KIAA1549L: variants seen among roughly 807,000 people sequenced by gnomAD.
KIAA1549L encodes KIAA1549 like.
KIAA1549L carries 88 observed loss-of-function variants against 160.7 expected under a neutral mutation model. The observed-to-expected ratio is 0.55, with a 90% confidence interval of 0.46 to 0.65. The LOEUF (loss-of-function observed/expected upper bound fraction) is 0.65. Among genes scored for constraint, KIAA1549L ranks in the 30% least tolerant of loss-of-function variants. The pLI, the probability that KIAA1549L is intolerant of heterozygous loss-of-function variation, is 0.00. For missense variants in KIAA1549L, 2,258 were observed against 2,437.5 expected, an observed-to-expected ratio of 0.93 and a Z score of 1.55; for synonymous variants, 950 against 976.7, an observed-to-expected ratio of 0.97 and a Z score of 0.51.
chr11:33,618,868 G>A (rs1166967838), intron 16 of KIAA1549L, among the ~76,000 whole-genome samples: 2 of 152,178 alleles, frequency 1.3e-5, no homozygotes, highest in Non-Finnish European at 2.9e-5. Flanking sequence ...AAAGGATCAC[G>A]ATTTCCGAAT....
intron 16 of KIAA1549L, among the ~76,000 whole-genome samples, chr11:33,635,439 G>A (rs75358493): frequency 2.0e-5 from 3 of 152,154 alleles, no homozygotes; most frequent in Non-Finnish European, 2.9e-5. Flanking sequence ...ATGGAGCTGC[G>A]ATTGACACTG....
At chr11:33,652,379 C>T (rs573710679) in intron 17 of KIAA1549L, among the ~76,000 whole-genome samples, 12 of 152,172 alleles carry the variant, frequency 7.9e-5, no homozygotes, top group Non-Finnish European at 1.6e-4. Context: ...TTTTGTGTGG[C>T]TCGCTGTCCT....
chr11:33,574,604 C>T, intron 9 of KIAA1549L, 98 bp from the exon 10 acceptor site: 1 of 1,176,250 alleles, frequency 8.5e-7, no homozygotes, highest in Non-Finnish European at 1.2e-6. Context: ...CCACAGAAGT[C>T]TTCAGCAGTC....
At position 33,577,589 on chromosome 11, in the gene KIAA1549L, G is replaced by A. The variant is rs527239438; in HGVS notation, c.4402+2716G>A. On this transcript the variant is annotated intron_variant, in intron 10 of 20. Coordinates refer to ENST00000658780, the MANE Select transcript of KIAA1549L (RefSeq NM_012194.3). ...GGGACACTTGGTGATGGAAGCTTGCGGACGCTGTCTCCGATTGTTTCTGCT... is the reference window on the plus strand; with the variant it reads ...GGGACACTTGGTGATGGAAGCTTGCAGACGCTGTCTCCGATTGTTTCTGCT... 4.6e-5 allele frequency among the ~76,000 whole-genome samples: 7 copies of A among 152,240 alleles called. No individual in the cohort carries two copies. The East Asian group carries it at 9.6e-4, about 21-fold the overall frequency.
At chr11:33,400,736 T>TATAGTA (rs1228660541) in intron 1 of KIAA1549L, among the ~76,000 whole-genome samples, 1 of 152,208 alleles carries the variant, frequency 6.6e-6, no homozygotes, top group Non-Finnish European at 1.5e-5. Context: ...TCATCCAAAT[T>TATAGTA]ATAGTAATAG....
intron 16 of KIAA1549L, among the ~76,000 whole-genome samples, chr11:33,631,011 T>G (rs1472829018): frequency 6.6e-6 from 1 of 152,216 alleles, no homozygotes; most frequent in Non-Finnish European, 1.5e-5. Context: ...TGCAACGTAC[T>G]GTGGCAATGA....
At chr11:33,661,899 AAAAAAAAG>A (rs1345101707) in intron 20 of KIAA1549L, among the ~76,000 whole-genome samples, 3,654 of 147,686 alleles carry the variant, frequency 0.025, 123 homozygotes, top group Middle Eastern at 0.067. Context: ...AAAAAAAAAA[AAAAAAAAG>A]AAACCCAAGA....
intron 1 of KIAA1549L, among the ~76,000 whole-genome samples, chr11:33,404,871 A>G (rs1383021879): frequency 6.6e-6 from 1 of 151,826 alleles, no homozygotes; most frequent in Non-Finnish European, 1.5e-5. Flanking sequence ...TTAGCTGGGC[A>G]TGGTGGCATG....
chr11:33,550,329 T>C (rs967634905), intron 4 of KIAA1549L, among the ~76,000 whole-genome samples: 1 of 149,242 alleles, frequency 6.7e-6, no homozygotes, highest in African/African-American at 2.5e-5. Flanking sequence ...ATTTAATATA[T>C]AAAAACCAAA....
chr11:33,572,156 C>G (rs911986637), intron 9 of KIAA1549L, among the ~76,000 whole-genome samples: 1 of 152,084 alleles, frequency 6.6e-6, no homozygotes, highest in East Asian at 1.9e-4. Flanking sequence ...CCTGCCTCAG[C>G]CTCCTGAGTA....
At chr11:33,620,803 C>G (rs1850939866) in intron 16 of KIAA1549L, among the ~76,000 whole-genome samples, 1 of 152,036 alleles carries the variant, frequency 6.6e-6, no homozygotes, top group African/African-American at 2.4e-5. Flanking sequence ...CACAAGCATT[C>G]TTACATGAAT....
intron 1 of KIAA1549L, among the ~76,000 whole-genome samples, chr11:33,478,408 T>G (rs1225354049): frequency 6.6e-6 from 1 of 152,128 alleles, no homozygotes; most frequent in Admixed American, 6.5e-5. Context: ...CCTGAACCCG[T>G]TGGGGGAGGA....
In KIAA1549L at chr11:33,403,326, GAC is replaced by G. The variant is rs1396840876; in HGVS notation, c.238+26445_238+26446del. On this transcript the variant is annotated intron_variant, in intron 1 of 20. Transcript: ENST00000658780. Reference sequence around the variant, plus strand: ...GCATACACGGACACAGACACACACGGACACACACATGCAGACACGCAGACAGA... The same window carrying G: ...GCATACACGGACACAGACACACACGGACACACATGCAGACACGCAGACAGA... The G allele has an allele frequency of 4.8e-3, 65 of 13,510 alleles. 2 individuals carry two copies. The highest frequency in any genetic ancestry group is 0.014 in the African/African-American group (39 of 2,708). The allele number at this position is 13,510 out of a possible 1,614,324, so 0.8% of individuals were successfully genotyped here.
intron 1 of KIAA1549L, among the ~76,000 whole-genome samples, chr11:33,442,362 C>T (rs1851527695): frequency 6.6e-6 from 1 of 152,084 alleles, no homozygotes; most frequent in African/African-American, 2.4e-5. Flanking sequence ...CATGATGCCT[C>T]CAGCTTTGTT....
At chr11:33,611,669 C>T (rs1850652461) in intron 15 of KIAA1549L, among the ~76,000 whole-genome samples, 1 of 152,122 alleles carries the variant, frequency 6.6e-6, no homozygotes, top group African/African-American at 2.4e-5. Flanking sequence ...GGGAGTTTTA[C>T]TTCAGTGGTC....
intron 12 of KIAA1549L, among the ~76,000 whole-genome samples, chr11:33,594,531 A>G (rs1174970749): frequency 6.6e-6 from 1 of 152,218 alleles, no homozygotes; most frequent in Non-Finnish European, 1.5e-5. Flanking sequence ...ATCCTCTAGC[A>G]GGCTAGTCCT....
At chr11:33,519,076 C>A (rs1565166902) in intron 1 of KIAA1549L, among the ~76,000 whole-genome samples, 1 of 152,116 alleles carries the variant, frequency 6.6e-6, no homozygotes, top group African/African-American at 2.4e-5. Context: ...CTTGGGGAAT[C>A]CAATCTTAAA....
rs1387131508 is a variant in KIAA1549L at position 33,637,579 on chromosome 11, A to C, written c.5410-8107A>C. On this transcript the variant is annotated intron_variant, in intron 16 of 20. Coordinates refer to ENST00000658780, the MANE Select transcript of KIAA1549L (RefSeq NM_012194.3). ...GGGTGGTATGGCTTAAACAACAGACATTTATTTTCTCACAGTTCTGGAGGT... is the reference window on the plus strand; with the variant it reads ...GGGTGGTATGGCTTAAACAACAGACCTTTATTTTCTCACAGTTCTGGAGGT... Among the ~76,000 whole-genome samples, 9 of 152,306 alleles carry C rather than the reference A, an allele frequency of 5.9e-5. 1 individual carries two copies. In the South Asian group the frequency reaches 1.9e-3, roughly 32 times the overall value.
chr11:33,528,843 T>C (rs2133143134), intron 1 of KIAA1549L, among the ~76,000 whole-genome samples: 1 of 152,190 alleles, frequency 6.6e-6, no homozygotes, highest in South Asian at 2.1e-4. Flanking sequence ...GTGAGGGTGG[T>C]GAAGGATAAA....
Sources: allele counts gnomAD v4.1 joint callset (sites outside exome capture counted in the v4.1 genomes callset), GRCh38; gene constraint gnomAD v4.1.1; transcripts MANE v1.5; gene names NCBI Gene and HGNC (gene_info 2026-07-23, HGNC 2026-07-21).